The following EPHA7 variants were observed in gnomAD, a reference collection of about 807,000 sequenced individuals.
EPHA7 encodes ephrin type-A receptor 7.
In EPHA7, 25 loss-of-function variants were observed where a neutral mutation model predicts 112.6. The observed-to-expected ratio is 0.22, with a 90% CI of 0.16 to 0.31. The LOEUF (loss-of-function observed/expected upper bound fraction) is 0.31, where lower values mean the gene tolerates loss of function less well. Ranked by LOEUF, EPHA7 falls within the 10% of genes least tolerant of loss-of-function variation. The pLI is 1.00. For missense variants in EPHA7, 962 were observed against 1,212.6 expected (o/e 0.79, Z 3.07); for synonymous variants, 437 against 406.5 (o/e 1.07, Z -0.90).
At chr6:93,252,943 C>CA (rs1314351498) in intron 14 of EPHA7, among the ~76,000 whole-genome samples, 1 of 151,840 alleles carries the variant, frequency 6.6e-6, no homozygotes, top group East Asian at 1.9e-4. Context: ...TTAAGAAAAA[C>CA]AAAAAACAAT....
At position 93,414,756 on chromosome 6, in the gene EPHA7, C is replaced by A; in HGVS notation, c.109G>T (p.Asp37Tyr). The A allele has an allele frequency of 2.5e-6, 4 of 1,612,208 alleles. No individual in the cohort carries two copies. The highest frequency in any genetic ancestry group is 2.2e-5 in the East Asian group (1 of 44,748). Residue 37 changes from aspartate (D) to tyrosine (Y), a missense_variant, in exon 2 of 17, where the codon GAT becomes TAT. By Grantham distance (160) the Asp-to-Tyr change is radical. This residue lies in a region of EPHA7 where 56 missense variants were observed against 59.9 expected (regional missense o/e 0.94). Coordinates refer to ENST00000369303, the MANE Select transcript of EPHA7 (RefSeq NM_004440.4). Reference protein sequence around the residue: ...AQAAKEVLLLDSKAQQTELEW... With the variant: ...AQAAKEVLLLYSKAQQTELEW... The stretch of plus-strand genomic sequence containing the variant: ...AACTCTGTTTGTTGTGCTTTAGAAT[C>A]CAGCAGTAGTACTGAAAAAGAAAGT...
chr6:93,407,363 G>C (rs1218885948), intron 3 of EPHA7, among the ~76,000 whole-genome samples: 1 of 151,950 alleles, frequency 6.6e-6, no homozygotes, highest in African/African-American at 2.4e-5. Context: ...CAGGATCATT[G>C]AAAGGAAACA....
intron 3 of EPHA7, among the ~76,000 whole-genome samples, chr6:93,381,149 T>G (rs1423785552): frequency 2.0e-5 from 3 of 152,222 alleles, no homozygotes; most frequent in African/African-American, 7.2e-5. Context: ...TCAAAGAATT[T>G]ACATTTGCCA....
At chr6:93,341,925 C>T (rs537805258) in intron 5 of EPHA7, among the ~76,000 whole-genome samples, 47 of 151,730 alleles carry the variant, frequency 3.1e-4, no homozygotes, top group African/African-American at 1.1e-3. Context: ...AGAAAAAATT[C>T]ATAGGCATAC....
intron 5 of EPHA7, among the ~76,000 whole-genome samples, chr6:93,342,162 G>C (rs553970120): frequency 6.6e-6 from 1 of 151,824 alleles, no homozygotes; most frequent in East Asian, 1.9e-4. Context: ...GATGGATCAG[G>C]TGACAGATAA....
At chr6:93,343,988 CA>C (rs1429162556) in intron 5 of EPHA7, among the ~76,000 whole-genome samples, 1 of 151,514 alleles carries the variant, frequency 6.6e-6, no homozygotes, top group Non-Finnish European at 1.5e-5. Context: ...TCAGTATTAA[CA>C]AATACTGCAC....
chr6:93,417,043 G>A lies in EPHA7; in HGVS notation c.97+2202C>T, dbSNP rs1779269838. Reference sequence around the variant, plus strand: ...TTTCGGGAAGAGGAGAGTGGCTTTCGGGAAGCATCTCCTCTGAGGAAGAGG... The same window carrying A: ...TTTCGGGAAGAGGAGAGTGGCTTTCAGGAAGCATCTCCTCTGAGGAAGAGG... On this transcript the variant is annotated intron_variant, in intron 1 of 16. Coordinates refer to ENST00000369303, the MANE Select transcript of EPHA7 (RefSeq NM_004440.4). 2.0e-5 allele frequency among the ~76,000 whole-genome samples: 3 copies of A among 152,034 alleles called. No individual in the cohort carries two copies. The South Asian group carries it at 6.2e-4, about 32-fold the overall frequency.
chr6:93,288,973 C>T (rs1017073657), intron 5 of EPHA7, among the ~76,000 whole-genome samples: 1 of 152,156 alleles, frequency 6.6e-6, no homozygotes, highest in African/African-American at 2.4e-5. Context: ...GTTTTGCTAA[C>T]CAATATGTTC....
intron 5 of EPHA7, among the ~76,000 whole-genome samples, chr6:93,334,394 T>C (rs370607844): frequency 2.6e-5 from 4 of 151,738 alleles, no homozygotes; most frequent in East Asian, 1.9e-4. Flanking sequence ...AATTGACAAA[T>C]GGGAGGTAAT....
chr6:93,385,691 CAT>C (rs999845402), intron 3 of EPHA7, among the ~76,000 whole-genome samples: 1 of 151,814 alleles, frequency 6.6e-6, no homozygotes, highest in African/African-American at 2.4e-5. Context: ...ATTAGATATA[CAT>C]AGAGATGGTG....
chr6:93,364,170 T>C (rs1776390618), intron 3 of EPHA7, among the ~76,000 whole-genome samples: 1 of 152,152 alleles, frequency 6.6e-6, no homozygotes, highest in African/African-American at 2.4e-5. Context: ...CCATATATTG[T>C]ACACTTTAAT....
chr6:93,291,448 A>G (rs1470515152), intron 5 of EPHA7, among the ~76,000 whole-genome samples: 1 of 152,176 alleles, frequency 6.6e-6, no homozygotes, highest in East Asian at 1.9e-4. Flanking sequence ...AATTGATTAA[A>G]CTTCCATCAC....
chr6:93,342,564 A>G (rs1289480923), intron 5 of EPHA7, among the ~76,000 whole-genome samples: 1 of 151,814 alleles, frequency 6.6e-6, no homozygotes, highest in African/African-American at 2.4e-5. Context: ...TATAAATTAG[A>G]TAAATAGAAT....
At chr6:93,407,635 C>A (rs551279084) in intron 3 of EPHA7, among the ~76,000 whole-genome samples, 15 of 152,038 alleles carry the variant, frequency 9.9e-5, no homozygotes, top group South Asian at 4.1e-4. Context: ...CTCCTTTAAC[C>A]GTGTATTTTT....
chr6:93,331,549 GC>G (rs1774593750), intron 5 of EPHA7, among the ~76,000 whole-genome samples: 1 of 151,280 alleles, frequency 6.6e-6, no homozygotes, highest in Non-Finnish European at 1.5e-5. Context: ...TGTCTAGAAT[GC>G]ATACTAAATT....
chr6:93,391,985 T>C (rs924024185), intron 3 of EPHA7, among the ~76,000 whole-genome samples: 1 of 151,974 alleles, frequency 6.6e-6, no homozygotes, highest in Non-Finnish European at 1.5e-5. Flanking sequence ...TCAATTTCCT[T>C]AAATAAAATG....
chr6:93,278,517 T>C (rs1244231807), intron 5 of EPHA7, among the ~76,000 whole-genome samples: 1 of 152,092 alleles, frequency 6.6e-6, no homozygotes, highest in Non-Finnish European at 1.5e-5. Context: ...ACATTATCTA[T>C]CTTTTCAATC....
chr6:93,398,515 A>G (rs1337388869), intron 3 of EPHA7, among the ~76,000 whole-genome samples: 1 of 152,016 alleles, frequency 6.6e-6, no homozygotes, highest in East Asian at 1.9e-4. Context: ...TTAAAGGAAT[A>G]GTGTAGAATT....
intron 3 of EPHA7, among the ~76,000 whole-genome samples, chr6:93,371,176 A>G (rs910759659): frequency 5.9e-5 from 9 of 152,038 alleles, no homozygotes; most frequent in African/African-American, 1.9e-4. Context: ...AAAGAAAAAA[A>G]AAAAGAAAAA....
Sources: allele counts gnomAD v4.1 joint callset (sites outside exome capture counted in the v4.1 genomes callset), GRCh38; gene constraint gnomAD v4.1.1; regional missense constraint gnomAD v4.1.1; transcripts MANE v1.5; gene names NCBI Gene and HGNC (gene_info 2026-07-23, HGNC 2026-07-21).